The following DCDC1 variants were observed in gnomAD, a reference collection of about 807,000 sequenced individuals.
The protein encoded by DCDC1 is doublecortin domain-containing protein 1.
Under a neutral mutation model 178.3 loss-of-function variants are expected in DCDC1, and 200 were observed. That is an observed-to-expected ratio of 1.12 (90% confidence interval 1.00 to 1.26). DCDC1 has a LOEUF of 1.26. Among genes scored for constraint, DCDC1 ranks in the 50% most tolerant of loss-of-function variants. The pLI is 0.00. For missense variants in DCDC1, 1,983 were observed against 1,749.2 expected (o/e 1.13, Z -2.38); for synonymous variants, 690 against 604.8 (o/e 1.14, Z -2.07).
chr11:30,881,179 G>T lies in DCDC1; in HGVS notation c.5212C>A (p.His1738Asn). 6.2e-7 allele frequency: 1 copy of T among 1,613,254 alleles called. No homozygotes were observed. The highest frequency in any genetic ancestry group is 8.5e-7 in the Non-Finnish European group (1 of 1,179,456). The change falls in exon 37 of 39, where the codon CAT becomes AAT. Residue 1738 changes from histidine to asparagine, a missense_variant. Physicochemically the swap from His to Asn is moderately conservative, Grantham distance 68. Coordinates refer to ENST00000684477, the MANE Select transcript of DCDC1 (RefSeq NM_001387274.1). ...ATACCTTTTGGGGTTTTGAAACCAT[G>T]TCCCATAGACACACAGATGACCATA... ...RDMVICVSMG[H>N]GFKTPKELKQ...
At chr11:31,341,929 A>C (rs1234281558) in intron 1 of DCDC1, among the ~76,000 whole-genome samples, 1 of 151,988 alleles carries the variant, frequency 6.6e-6, no homozygotes, top group Non-Finnish European at 1.5e-5. Context: ...CTGAGGTGGA[A>C]CTGGTGCCAG....
intron 8 of DCDC1, among the ~76,000 whole-genome samples, chr11:31,246,109 C>A (rs1013083116): frequency 6.6e-6 from 1 of 151,934 alleles, no homozygotes; most frequent in African/African-American, 2.4e-5. Context: ...GCATTTCAAT[C>A]AAATATGGAA....
intron 20 of DCDC1, among the ~76,000 whole-genome samples, chr11:31,019,148 G>A (rs989755302): frequency 1.3e-5 from 2 of 152,140 alleles, no homozygotes; most frequent in Non-Finnish European, 2.9e-5. Flanking sequence ...TCTATAAAAT[G>A]AGAGTTACAA....
intron 1 of DCDC1, among the ~76,000 whole-genome samples, chr11:31,366,776 T>C (rs1951980795): frequency 6.6e-6 from 1 of 152,116 alleles, no homozygotes; most frequent in South Asian, 2.1e-4. Flanking sequence ...GACATCAGTG[T>C]CAAATTCACC....
chr11:31,009,146 A>G (rs1391231420), intron 20 of DCDC1, among the ~76,000 whole-genome samples: 1 of 152,212 alleles, frequency 6.6e-6, no homozygotes, highest in African/African-American at 2.4e-5. Flanking sequence ...TTCTTCAAAG[A>G]AAAAGGCTTT....
intron 9 of DCDC1, among the ~76,000 whole-genome samples, chr11:31,216,516 T>C (rs1363905284): frequency 6.6e-6 from 1 of 152,146 alleles, no homozygotes; most frequent in Non-Finnish European, 1.5e-5. Context: ...TAAGAAACCT[T>C]ACCCGGCCAT....
At chr11:31,312,934 AT>A (rs1948854915) in intron 3 of DCDC1, 1 of 152,086 alleles carries the variant, frequency 6.6e-6, no homozygotes, top group Non-Finnish European at 1.5e-5. Flanking sequence ...AGGTGGGAGG[AT>A]TGCTGAAACA....
intron 9 of DCDC1, among the ~76,000 whole-genome samples, chr11:31,141,601 A>G (rs1013410287): frequency 6.6e-6 from 1 of 152,208 alleles, no homozygotes; most frequent in African/African-American, 2.4e-5. Flanking sequence ...TTTGATCCAT[A>G]TTTTACATGC....
chr11:31,337,342 G>T (rs1400707566), intron 1 of DCDC1, among the ~76,000 whole-genome samples: 1 of 152,160 alleles, frequency 6.6e-6, no homozygotes. Context: ...ATGAGACTGT[G>T]GTTCTAAGCT....
intron 20 of DCDC1, among the ~76,000 whole-genome samples, chr11:31,052,554 C>T (rs1955329957): frequency 6.6e-6 from 1 of 152,110 alleles, no homozygotes; most frequent in Non-Finnish European, 1.5e-5. Context: ...AATACACATT[C>T]CATTCAACAG....
In DCDC1 at chr11:31,265,525, T is replaced by C. The variant is rs1236638943; in HGVS notation, c.1036A>G (p.Ile346Val). The C allele has an allele frequency of 1.4e-6, 2 of 1,430,776 alleles. No homozygotes were observed. The highest frequency in any genetic ancestry group is 2.7e-5 in the East Asian group (1 of 37,140). 88.6% of individuals were successfully genotyped at this position (1,430,776 alleles called of 1,614,324 possible). A position where few individuals can be genotyped will look rare whatever the true frequency, so the allele number is the denominator to read the frequency against. The change falls in exon 8 of 39, where the codon ATT becomes GTT. Residue 346 changes from isoleucine (I) to valine (V), a missense_variant. Physicochemically the swap from Ile to Val is conservative, Grantham distance 29. Transcript: ENST00000684477. ...RYFYDLYGRK[I>V]EDISKVPLLE... ...CACTTACCTTTTGAAATATCTTCAA[T>C]TTTTCTGCCATACAAATCATAAAAA...
intron 8 of DCDC1, among the ~76,000 whole-genome samples, chr11:31,247,347 G>A (rs1943636267): frequency 6.6e-6 from 1 of 151,578 alleles, no homozygotes; most frequent in Admixed American, 6.6e-5. Context: ...TTGAGCAAGT[G>A]GACCGAAATG....
chr11:31,215,797 A>T (rs930941148), intron 9 of DCDC1, among the ~76,000 whole-genome samples: 1 of 151,340 alleles, frequency 6.6e-6, no homozygotes, highest in Non-Finnish European at 1.5e-5. Context: ...ATCTAAAAAA[A>T]AAAAAAAATG....
intron 3 of DCDC1, among the ~76,000 whole-genome samples, chr11:31,318,937 A>C (rs951157896): frequency 2.3e-5 from 1 of 43,746 alleles, no homozygotes; most frequent in African/African-American, 2.7e-4. Context: ...TTCAGGAGCA[A>C]GTTGTTCAGT....
At chr11:30,941,490 A>G (rs1947638137) in intron 21 of DCDC1, among the ~76,000 whole-genome samples, 2 of 152,088 alleles carry the variant, frequency 1.3e-5, no homozygotes, top group Non-Finnish European at 2.9e-5. Flanking sequence ...AGTTGTTTAC[A>G]TTTCCTGGCA....
chr11:31,082,621 CAT>C lies in DCDC1; in HGVS notation c.2238-4698_2238-4697del, dbSNP rs1002287603. Among the ~76,000 whole-genome samples, 61 of 151,206 alleles carry C rather than the reference CAT, an allele frequency of 4.0e-4. 1 individual carries two copies. The highest frequency in any genetic ancestry group is 2.0e-3 in the Admixed American group (31 of 15,206). On this transcript the variant is annotated intron_variant, in intron 17 of 38. Transcript: ENST00000684477. ...GATATCTATATCTATACATCACACACATATATGTGTGTAATACATCTACACAT... is the reference window on the plus strand; with the variant it reads ...GATATCTATATCTATACATCACACACATATGTGTGTAATACATCTACACAT...
intron 3 of DCDC1, among the ~76,000 whole-genome samples, chr11:31,313,073 A>G (rs2137674426): frequency 6.6e-6 from 1 of 151,966 alleles, no homozygotes; most frequent in African/African-American, 2.4e-5. Context: ...AAATATTAAA[A>G]CCTACTGGTT....
intron 9 of DCDC1, among the ~76,000 whole-genome samples, chr11:31,232,981 G>A (rs943116255): frequency 1.3e-5 from 2 of 151,948 alleles, no homozygotes; most frequent in Non-Finnish European, 2.9e-5. Flanking sequence ...CCAGCTACTC[G>A]GGAGGCTGAA....
chr11:31,056,466 A>G (rs1252315765), intron 20 of DCDC1, among the ~76,000 whole-genome samples: 2 of 152,148 alleles, frequency 1.3e-5, no homozygotes, highest in Non-Finnish European at 2.9e-5. Context: ...AGCATTAAAG[A>G]TAAAGTTTAA....
Sources: gnomAD v4.1 joint callset for allele counts (sites outside exome capture counted in the v4.1 genomes callset) on GRCh38, gnomAD v4.1.1 for gene constraint, MANE v1.5 for transcripts, NCBI Gene and HGNC (gene_info 2026-07-23, HGNC 2026-07-21) for gene names.